The following FRMPD4 variants were observed in gnomAD, a reference collection of about 807,000 sequenced individuals.
FRMPD4 encodes FERM and PDZ domain-containing protein 4.
FRMPD4 carries 22 observed loss-of-function variants against 94.1 expected under a neutral mutation model. The ratio of observed to expected loss-of-function variants is 0.23; its 90% confidence interval spans 0.17 to 0.33. The LOEUF (loss-of-function observed/expected upper bound fraction) is 0.33. Among genes scored for constraint, FRMPD4 ranks in the 10% least tolerant of loss-of-function variants. FRMPD4 has a pLI of 1.00. For synonymous variants in FRMPD4, 631 were observed against 548.6 expected (o/e 1.15, Z -2.10); for missense variants, 1,111 against 1,339.9 (o/e 0.83, Z 2.67).
intron 4 of FRMPD4, among the ~76,000 whole-genome samples, chrX:12,631,566 C>A (rs1157396828): frequency 1.8e-5 from 2 of 110,007 alleles, no homozygotes; most frequent in Non-Finnish European, 3.8e-5. Context: ...CACAACAGGC[C>A]CCGGTGTGTG....
chrX:11,947,949 G>A (rs2054198219), intron 3 of FRMPD4, among the ~76,000 whole-genome samples: 1 of 108,539 alleles, frequency 9.2e-6, no homozygotes, highest in South Asian at 4.2e-4. Context: ...AATTAGCCGG[G>A]CATGGTGGTG....
intron 1 of FRMPD4, among the ~76,000 whole-genome samples, chrX:12,399,308 G>A (rs1298355154): frequency 2.7e-5 from 3 of 111,755 alleles, no homozygotes; most frequent in Non-Finnish European, 5.6e-5. Context: ...GATGTAGATG[G>A]ATGTAGATAT....
chrX:12,087,353 A>G (rs182814208), intron 3 of FRMPD4, among the ~76,000 whole-genome samples: 1 of 112,019 alleles, frequency 8.9e-6, no homozygotes, highest in African/African-American at 3.2e-5. Context: ...ATTCCTAATC[A>G]GGCTCAATTC....
chrX:12,439,905 G>A (rs2057115831), intron 1 of FRMPD4, among the ~76,000 whole-genome samples: 1 of 112,006 alleles, frequency 8.9e-6, no homozygotes, highest in Admixed American at 9.5e-5. Flanking sequence ...ATGGGGGGTT[G>A]AAAACTAGAG....
At chrX:12,687,444 A>T (rs1400931775) in intron 7 of FRMPD4, among the ~76,000 whole-genome samples, 1 of 111,743 alleles carries the variant, frequency 8.9e-6, no homozygotes, top group Non-Finnish European at 1.9e-5. Context: ...AAAGGGCTAG[A>T]TAGTAAACAT....
rs986621367 is a variant in FRMPD4, at chrX:12,720,809, T to C, written c.4240T>C (p.Leu1414=). The part of the protein sequence containing the change: ...SSSILSGSVD[L]ETFRERTKGA... ...CAGTATCCTCTCCGGATCTGTCGAT[T>C]TGGAGACCTTCCGAGAGAGAACCAA... is the stretch of plus-strand genomic sequence containing the variant. The change falls in exon 17 of 17, where the codon TTG becomes CTG. Residue 1414 remains leucine, a synonymous_variant. Transcript: ENST00000675598. 2 of 976,670 alleles carry C rather than the reference T, an allele frequency of 2.0e-6. No individual in the cohort carries two copies. Among genetic ancestry groups the C allele is most frequent in the African/African-American group, 2.0e-5 (1 of 51,165 alleles). 80.5% of individuals were successfully genotyped at this position (976,670 alleles called of 1,213,427 possible).
chrX:12,489,593 G>T (rs2057772749), intron 1 of FRMPD4, among the ~76,000 whole-genome samples: 1 of 112,311 alleles, frequency 8.9e-6, no homozygotes, highest in South Asian at 3.7e-4. Context: ...CAACAATGCT[G>T]TGTTTCATTA....
At chrX:12,158,632 T>C (rs2055974488) in intron 1 of FRMPD4, among the ~76,000 whole-genome samples, 1 of 112,165 alleles carries the variant, frequency 8.9e-6, no homozygotes, top group African/African-American at 3.2e-5. Context: ...TAGATGTGTC[T>C]TTTTTTCACT....
At chrX:12,163,395 T>A (rs374076559) in intron 1 of FRMPD4, among the ~76,000 whole-genome samples, 2 of 79,920 alleles carry the variant, frequency 2.5e-5, no homozygotes, top group South Asian at 4.8e-4. Context: ...ATAAGCCCAG[T>A]TTTTTTTATC....
rs940787610 is a variant in FRMPD4, at chrX:12,662,979, T to C, written c.423-11884T>C. On this transcript the variant is annotated intron_variant, in intron 4 of 16. Transcript: ENST00000675598. Reference sequence around the variant, plus strand: ...GATGATAAACTTTTTTTCATATGTTTGTTGGCGGCATAAATGTCTTCTTTT... The same window carrying C: ...GATGATAAACTTTTTTTCATATGTTCGTTGGCGGCATAAATGTCTTCTTTT... Among the ~76,000 whole-genome samples the C allele has an allele frequency of 2.7e-5, 3 of 112,820 alleles. No individual in the cohort carries two copies. The South Asian group carries it at 1.1e-3, about 41-fold the overall frequency.
chrX:12,189,338 A>G (rs1436911531), intron 1 of FRMPD4, among the ~76,000 whole-genome samples: 3 of 110,896 alleles, frequency 2.7e-5, no homozygotes, highest in Non-Finnish European at 5.7e-5. Flanking sequence ...AATTCTACCA[A>G]ACATTTAAGG....
At chrX:12,331,659 A>ACT (rs1388660039) in intron 1 of FRMPD4, among the ~76,000 whole-genome samples, 22 of 76,179 alleles carry the variant, frequency 2.9e-4, no homozygotes, top group African/African-American at 1.1e-3. Context: ...ATATTTATAT[A>ACT]ATATATAAAT....
At position 12,470,592 on chromosome X, in the gene FRMPD4, G is replaced by C. The variant is rs777427893; in HGVS notation, c.42-28088G>C. On this transcript the variant is annotated intron_variant, in intron 1 of 16. Coordinates refer to ENST00000675598, the MANE Select transcript of FRMPD4 (RefSeq NM_001368397.1). ...CACACATATTAAACATGAATTAGTTGTGTTTGTGAATGAACATAAACATGC... is the reference window on the plus strand; with the variant it reads ...CACACATATTAAACATGAATTAGTTCTGTTTGTGAATGAACATAAACATGC... Among the ~76,000 whole-genome samples the C allele has an allele frequency of 6.2e-5, 7 of 112,172 alleles. No homozygotes were observed. In the East Asian group the frequency reaches 1.9e-3, roughly 31 times the overall value.
chrX:11,900,720 G>T (rs962759754), intron 3 of FRMPD4, among the ~76,000 whole-genome samples: 2 of 111,485 alleles, frequency 1.8e-5, no homozygotes, highest in East Asian at 5.6e-4. Flanking sequence ...GGTAGCCCTG[G>T]AGTGTCTTGG....
Position 12,716,715 on chromosome X carries a change from C to A in FRMPD4, c.2256C>A (p.Asp752Glu), listed in dbSNP as rs190804327. Residue 752 changes from aspartate (D) to glutamate (E), a missense_variant, in exon 15 of 17, where the codon GAC (aspartate) becomes GAA (glutamate). Asp to Glu is a conservative substitution (Grantham distance 45). This residue lies in a region of FRMPD4 where 192 missense variants were observed against 192.5 expected (regional missense o/e 1.00). Coordinates refer to ENST00000675598, the MANE Select transcript of FRMPD4 (RefSeq NM_001368397.1). The part of the protein sequence containing the change: ...AENTDDAEDE[D>E]EVSCEEDLVV... Reference sequence around the variant, plus strand: ...ACACTGATGACGCGGAGGACGAGGACGAGGTGAGCTGCGAGGAGGACCTCG... The same window carrying A: ...ACACTGATGACGCGGAGGACGAGGAAGAGGTGAGCTGCGAGGAGGACCTCG... The A allele has an allele frequency of 8.3e-7, 1 of 1,211,498 alleles. No homozygotes were observed. Among genetic ancestry groups the A allele is most frequent in the South Asian group, 1.8e-5 (1 of 56,949 alleles).
chrX:12,469,188 C>T (rs1441839563), intron 1 of FRMPD4, among the ~76,000 whole-genome samples: 4 of 111,695 alleles, frequency 3.6e-5, no homozygotes, highest in East Asian at 2.8e-4. Flanking sequence ...TAGAACTTAA[C>T]GGTTTGGACA....
rs192807222 is a variant in FRMPD4 at position 12,014,707 on chromosome X, G to C, written c.95+136689G>C. On this transcript the variant is annotated intron_variant, in intron 3 of 18. Coordinates refer to the FRMPD4 transcript ENST00000640291. ...TATATACATACTGGAGTGTGTGTCT[G>C]TGTGTGTGTGTGTTTAGGGAATTTG... Among the ~76,000 whole-genome samples the C allele has an allele frequency of 7.2e-5, 8 of 111,304 alleles. No homozygotes were observed. In the East Asian group the frequency reaches 8.4e-4, roughly 12 times the overall value.
At chrX:12,655,523 G>C (rs2148479859) in intron 4 of FRMPD4, among the ~76,000 whole-genome samples, 1 of 112,145 alleles carries the variant, frequency 8.9e-6, no homozygotes, top group Non-Finnish European at 1.9e-5. Flanking sequence ...GATACAGTAT[G>C]GTAGCCTCTA....
At chrX:12,617,357 G>A (rs1299470611) in intron 4 of FRMPD4, among the ~76,000 whole-genome samples, 1 of 112,381 alleles carries the variant, frequency 8.9e-6, no homozygotes, top group African/African-American at 3.2e-5. Context: ...TTTTATCTAT[G>A]TCTGCTTTCC....
Sources: allele counts gnomAD v4.1 joint callset (sites outside exome capture counted in the v4.1 genomes callset), GRCh38; gene constraint gnomAD v4.1.1; regional missense constraint gnomAD v4.1.1; transcripts MANE v1.5; gene names NCBI Gene and HGNC (gene_info 2026-07-23, HGNC 2026-07-21).